ATF2: variants seen among roughly 807,000 people sequenced by gnomAD.
ATF2 encodes activating transcription factor 2, also known as cyclic AMP-dependent transcription factor ATF-2.
A neutral mutation model predicts 60.6 loss-of-function variants in ATF2; 24 were observed. The ratio of observed to expected loss-of-function variants is 0.40; its 90% CI spans 0.29 to 0.56. ATF2 has a LOEUF of 0.56. Ranked by LOEUF, ATF2 falls within the 20% of genes least tolerant of loss-of-function variation. ATF2 has a pLI of 0.54. For missense variants in ATF2, 433 were observed against 607.7 expected (o/e 0.71, Z 3.02); for synonymous variants, 206 against 215.4 (o/e 0.96, Z 0.38).
chr2:175,098,210 A>C (rs974889258), intron 10 of ATF2, among the ~76,000 whole-genome samples: 22 of 152,236 alleles, frequency 1.4e-4, no homozygotes, highest in African/African-American at 5.1e-4. Context: ...CAAAACAAAC[A>C]TATCTGTTAA....
chr2:175,138,205 CTCT>C (rs1472281375), intron 2 of ATF2, among the ~76,000 whole-genome samples: 1 of 152,188 alleles, frequency 6.6e-6, no homozygotes, highest in Non-Finnish European at 1.5e-5. Context: ...TCTTTGATTT[CTCT>C]TAACTCTTCT....
intron 2 of ATF2, among the ~76,000 whole-genome samples, chr2:175,139,917 C>T (rs1376169426): frequency 1.3e-5 from 2 of 152,036 alleles, no homozygotes; most frequent in African/African-American, 4.8e-5. Context: ...TATACTCACT[C>T]ATGAACATAA....
chr2:175,126,552 ATAGT>A (rs1308328881), intron 4 of ATF2, among the ~76,000 whole-genome samples: 1 of 152,218 alleles, frequency 6.6e-6, no homozygotes, highest in Non-Finnish European at 1.5e-5. Context: ...TTTCACATAT[ATAGT>A]TAATGTTACA....
intron 1 of ATF2, among the ~76,000 whole-genome samples, chr2:175,155,476 T>G (rs1028800211): frequency 6.6e-6 from 1 of 152,220 alleles, no homozygotes; most frequent in Non-Finnish European, 1.5e-5. Context: ...CTTTATTGTA[T>G]AGTGTGATGA....
intron 2 of ATF2, among the ~76,000 whole-genome samples, chr2:175,147,203 A>G (rs1325033269): frequency 6.6e-6 from 1 of 152,206 alleles, no homozygotes; most frequent in Non-Finnish European, 1.5e-5. Context: ...GTTGAGGAAA[A>G]GGAAGATGCT....
chr2:175,143,199 T>C (rs1272090194), intron 2 of ATF2, among the ~76,000 whole-genome samples: 1 of 152,194 alleles, frequency 6.6e-6, no homozygotes, highest in Non-Finnish European at 1.5e-5. Context: ...ATAACTACTG[T>C]TAACATTTCA....
In ATF2 at chr2:175,114,017, C is replaced by G; in HGVS notation, c.718G>C (p.Val240Leu). The change falls in exon 9 of 14, where the codon GTG becomes CTG. Residue 240 changes from valine to leucine, a missense_variant. By Grantham distance (32) the Val-to-Leu change is conservative (BLOSUM62 1). Coordinates refer to ENST00000264110, the MANE Select transcript of ATF2 (RefSeq NM_001880.4). ...ACTGGGACTGCAGCTGGAACATGCA[C>G]ATTAGAACTTGTAATTGATGCAGGA... is the stretch of plus-strand genomic sequence containing the variant. ...AIPASITSSNVHVPAAVPLVR... is the reference protein window; with the variant it reads ...AIPASITSSNLHVPAAVPLVR... The G allele has an allele frequency of 6.2e-7, 1 of 1,611,470 alleles. No homozygotes were observed.
At chr2:175,089,643 T>A (rs1694406880) in intron 12 of ATF2, among the ~76,000 whole-genome samples, 1 of 152,218 alleles carries the variant, frequency 6.6e-6, no homozygotes, top group Non-Finnish European at 1.5e-5. Context: ...TCCCTGAATC[T>A]ATTATAGGCA....
chr2:175,148,733 C>G (rs1231815672), intron 2 of ATF2, among the ~76,000 whole-genome samples: 3 of 152,118 alleles, frequency 2.0e-5, no homozygotes, highest in Non-Finnish European at 4.4e-5. Context: ...TCTCTACAAC[C>G]TCTTATCTTA....
At chr2:175,130,238 C>A in intron 3 of ATF2, 31 bp from the exon 4 acceptor site, 1 of 1,330,568 alleles carries the variant, frequency 7.5e-7, no homozygotes, top group Non-Finnish European at 1.0e-6. Flanking sequence ...CTTTAGAGTA[C>A]ATATTTTAAA....
Position 175,152,502 on chromosome 2 carries a change from G to A in ATF2, c.-142-1344C>T, listed in dbSNP as rs116424191. On this transcript the variant is annotated intron_variant, in intron 1 of 13. Coordinates refer to ENST00000264110, the MANE Select transcript of ATF2 (RefSeq NM_001880.4). ...AAAGCTCAGTTACCAACCGCATTAA[G>A]AAAAGGCACAATATTCAAAGAGAAA... is the stretch of plus-strand genomic sequence containing the variant. 1.9e-3 allele frequency among the ~76,000 whole-genome samples: 288 copies of A among 152,282 alleles called. 2 individuals carry two copies. Among genetic ancestry groups the A allele is most frequent in the African/African-American group, 6.1e-3 (252 of 41,570 alleles).
intron 7 of ATF2, among the ~76,000 whole-genome samples, chr2:175,117,045 T>TC (rs1696623263): frequency 6.6e-6 from 1 of 151,956 alleles, no homozygotes; most frequent in African/African-American, 2.4e-5. Context: ...TATCCATCTA[T>TC]CCTTCTATTT....
At chr2:175,164,711 C>T (rs1700239144) in intron 1 of ATF2, among the ~76,000 whole-genome samples, 1 of 139,944 alleles carries the variant, frequency 7.1e-6, no homozygotes. Flanking sequence ...TGAATACTAT[C>T]CTACTACTTC....
intron 10 of ATF2, among the ~76,000 whole-genome samples, chr2:175,107,690 C>G (rs186034841): frequency 6.6e-6 from 1 of 152,196 alleles, no homozygotes; most frequent in Non-Finnish European, 1.5e-5. Flanking sequence ...CACAGCAGGC[C>G]GAGTGCCTGC....
At chr2:175,105,844 T>C (rs567728212) in intron 10 of ATF2, among the ~76,000 whole-genome samples, 1 of 152,074 alleles carries the variant, frequency 6.6e-6, no homozygotes, top group East Asian at 1.9e-4. Context: ...AAAAGATAAA[T>C]AGAAAAGCCT....
intron 2 of ATF2, among the ~76,000 whole-genome samples, chr2:175,149,791 G>A (rs1699189112): frequency 6.6e-6 from 1 of 152,106 alleles, no homozygotes; most frequent in Non-Finnish European, 1.5e-5. Context: ...TAGCTATGCA[G>A]GCTTTTAATC....
At chr2:175,165,105 G>T (rs1700266426) in intron 1 of ATF2, among the ~76,000 whole-genome samples, 1 of 150,204 alleles carries the variant, frequency 6.7e-6, no homozygotes, top group Non-Finnish European at 1.5e-5. Flanking sequence ...TTACAGGCGT[G>T]AGCTACCACA....
intron 1 of ATF2, among the ~76,000 whole-genome samples, chr2:175,161,949 T>C (rs1456883825): frequency 6.6e-6 from 1 of 152,056 alleles, no homozygotes; most frequent in Non-Finnish European, 1.5e-5. Context: ...TTAGTAGAGA[T>C]GGTGTTTTCT....
intron 9 of ATF2, among the ~76,000 whole-genome samples, chr2:175,112,155 CTTT>C (rs1031295812): frequency 1.3e-5 from 2 of 151,894 alleles, no homozygotes; most frequent in South Asian, 2.1e-4. Flanking sequence ...TGGTTTTTTC[CTTT>C]TTTTTCTTAA....
Sources: gnomAD v4.1 joint callset for allele counts (sites outside exome capture counted in the v4.1 genomes callset) on GRCh38, gnomAD v4.1.1 for gene constraint, MANE v1.5 for transcripts, NCBI Gene and HGNC (gene_info 2026-07-23, HGNC 2026-07-21) for gene names.